The following KCND3 variants were observed in gnomAD, a reference collection of about 807,000 sequenced individuals.
KCND3 encodes A-type voltage-gated potassium channel KCND3.
A neutral mutation model predicts 51.1 loss-of-function variants in KCND3; 9 were observed. That is an observed-to-expected ratio of 0.18 (90% CI 0.11 to 0.31). The LOEUF (loss-of-function observed/expected upper bound fraction) is 0.31, where lower values mean the gene tolerates loss of function less well. KCND3 is among the 10% of genes least tolerant of loss of function. The pLI is 1.00. For missense variants in KCND3, 526 were observed against 903.8 expected, an observed-to-expected ratio of 0.58 and a Z score of 5.36; for synonymous variants, 349 against 368.0, an observed-to-expected ratio of 0.95 and a Z score of 0.59.
chr1:111,942,680 T>A (rs1203757082), intron 2 of KCND3, among the ~76,000 whole-genome samples: 1 of 152,180 alleles, frequency 6.6e-6, no homozygotes, highest in Non-Finnish European at 1.5e-5. Context: ...GCCCCAAGTC[T>A]TGGTCCTGGC....
intron 2 of KCND3, among the ~76,000 whole-genome samples, chr1:111,872,236 T>C (rs12139985): frequency 0.44 from 66,959 of 151,884 alleles, 15,733 homozygotes; most frequent in Middle Eastern, 0.53. Context: ...GACAAGACCG[T>C]AGATTTCCAA....
intron 2 of KCND3, among the ~76,000 whole-genome samples, chr1:111,801,851 T>C (rs372363295): frequency 2.0e-4 from 30 of 152,294 alleles, no homozygotes; most frequent in East Asian, 1.9e-3. Context: ...CTCAGACTCT[T>C]ACAGGTCTTG....
intron 2 of KCND3, among the ~76,000 whole-genome samples, chr1:111,895,662 G>A (rs1226485669): frequency 6.6e-6 from 1 of 152,216 alleles, no homozygotes; most frequent in Non-Finnish European, 1.5e-5. Context: ...AGGGGGCTGC[G>A]GAGTAACCCC....
intron 2 of KCND3, among the ~76,000 whole-genome samples, chr1:111,862,062 C>T (rs147675202): frequency 2.2e-3 from 330 of 152,302 alleles, no homozygotes; most frequent in African/African-American, 7.2e-3. Flanking sequence ...CCTGTAGGAA[C>T]GAGGGCTTTT....
At chr1:111,836,834 G>T (rs1667090703) in intron 2 of KCND3, among the ~76,000 whole-genome samples, 1 of 152,092 alleles carries the variant, frequency 6.6e-6, no homozygotes, top group Admixed American at 6.5e-5. Flanking sequence ...TCTCCAGTCT[G>T]GCCTTGACTT....
chr1:111,855,845 C>A (rs1057178276), intron 2 of KCND3, among the ~76,000 whole-genome samples: 6 of 152,136 alleles, frequency 3.9e-5, no homozygotes, highest in African/African-American at 1.4e-4. Flanking sequence ...GGCACTGTCA[C>A]CATCTAGGCT....
At chr1:111,802,549 T>A (rs943949150) in intron 2 of KCND3, among the ~76,000 whole-genome samples, 2 of 152,146 alleles carry the variant, frequency 1.3e-5, no homozygotes, top group Admixed American at 6.5e-5. Flanking sequence ...GAGAATAATG[T>A]CTCCCTACAG....
intron 2 of KCND3, among the ~76,000 whole-genome samples, chr1:111,926,229 C>A (rs1671690674): frequency 6.6e-6 from 1 of 152,106 alleles, no homozygotes; most frequent in Non-Finnish European, 1.5e-5. Flanking sequence ...AGTTGGGGGA[C>A]ATTAGGGTAG....
chr1:111,848,508 A>G (rs1402984318), intron 2 of KCND3, among the ~76,000 whole-genome samples: 1 of 152,134 alleles, frequency 6.6e-6, no homozygotes, highest in African/African-American at 2.4e-5. Context: ...ATCTGTCTAT[A>G]TAGCTGCAAA....
At chr1:111,808,727 G>C (rs1665695106) in intron 2 of KCND3, among the ~76,000 whole-genome samples, 1 of 152,160 alleles carries the variant, frequency 6.6e-6, no homozygotes, top group Non-Finnish European at 1.5e-5. Context: ...AGTTGGTGAG[G>C]GGAAGTGGCT....
chr1:111,775,059 G>A lies in KCND3; in HGVS notation c.*1018C>T, dbSNP rs1271202305. The A allele has an allele frequency of 2.6e-5, 4 of 152,116 alleles. No individual in the cohort carries two copies. Among genetic ancestry groups the A allele is most frequent in the African/African-American group, 7.2e-5 (3 of 41,414 alleles). 9.4% of individuals were successfully genotyped at this position (152,116 alleles called of 1,614,324 possible). A position where few individuals can be genotyped will look rare whatever the true frequency, so the allele number is the denominator to read the frequency against. On this transcript the variant is annotated 3_prime_UTR_variant, in exon 8 of 8. Transcript: ENST00000302127. ...AGAAACTGAAACTGCAAACACGAGT[G>A]GTTCCAACCCCAAGGGAAGTACCTC...
chr1:111,813,410 C>T (rs956913207), intron 2 of KCND3, among the ~76,000 whole-genome samples: 1 of 152,198 alleles, frequency 6.6e-6, no homozygotes, highest in Non-Finnish European at 1.5e-5. Context: ...GAGCTGAAGC[C>T]AAGTCTCTTC....
Position 111,981,691 on chromosome 1 carries a change from A to C in KCND3, c.1036T>G (p.Ser346Ala). The C allele has an allele frequency of 6.2e-7, 1 of 1,614,104 alleles. No individual in the cohort carries two copies. ...ATVMFYAEKG[S>A]SASKFTSIPA... is the part of the protein sequence containing the mutation. ...ATGCTTGTGAACTTGCTGGCCGAGGAGCCCTTCTCGGCATAAAACATCACA... is the reference window on the plus strand; with the variant it reads ...ATGCTTGTGAACTTGCTGGCCGAGGCGCCCTTCTCGGCATAAAACATCACA... The change falls in exon 2 of 8, where the codon TCC (serine) becomes GCC (alanine). Residue 346 changes from serine to alanine, a missense_variant. Ser to Ala is a moderately conservative substitution (Grantham distance 99, BLOSUM62 1). This residue lies in a region of KCND3 where 48 missense variants were observed against 228.5 expected (regional missense o/e 0.21). Transcript: ENST00000302127. This position sits in a 1 kb window ranked among gnomAD's most constrained non-coding sequence, Gnocchi z 6.2.
At chr1:111,974,698 T>C (rs1456887339) in intron 2 of KCND3, among the ~76,000 whole-genome samples, 3 of 152,204 alleles carry the variant, frequency 2.0e-5, no homozygotes, top group Non-Finnish European at 2.9e-5. Flanking sequence ...CTTTTATTTA[T>C]ACTATCTTGA....
At chr1:111,801,108 T>C (rs916941839) in intron 2 of KCND3, among the ~76,000 whole-genome samples, 1 of 152,196 alleles carries the variant, frequency 6.6e-6, no homozygotes, top group Non-Finnish European at 1.5e-5. Flanking sequence ...CACCCTAGGC[T>C]AGCACACATT....
chr1:111,850,458 A>G lies in KCND3; in HGVS notation c.1107-63352T>C, dbSNP rs547090386. ...ACCCATAGGCCTCCTTCCCCTTGAAATGTCCCCACAGTGGACCCTCCTTTC... is the reference window on the plus strand; with the variant it reads ...ACCCATAGGCCTCCTTCCCCTTGAAGTGTCCCCACAGTGGACCCTCCTTTC... On this transcript the variant is annotated intron_variant, in intron 2 of 7. Coordinates refer to ENST00000302127, the MANE Select transcript of KCND3 (RefSeq NM_001378969.1). Among the ~76,000 whole-genome samples, 24 of 152,270 alleles carry G rather than the reference A, an allele frequency of 1.6e-4. 1 individual carries two copies. The highest frequency in any genetic ancestry group is 5.3e-4 in the African/African-American group (22 of 41,556).
Position 111,770,725 on chromosome 1 carries a change from A to G in KCND3, c.*5352T>C, listed in dbSNP as rs541212033. The G allele has an allele frequency of 6.6e-6, 1 of 152,318 alleles. No homozygotes were observed. The highest frequency in any genetic ancestry group is 2.4e-5 in the African/African-American group (1 of 41,558). The allele number at this position is 152,318 out of a possible 1,614,324, so 9.4% of individuals were successfully genotyped here. On this transcript the variant is annotated 3_prime_UTR_variant, in exon 8 of 8. Coordinates refer to ENST00000302127, the MANE Select transcript of KCND3 (RefSeq NM_001378969.1). ...TGGATACATCAGGTACAGCAGTGGC[A>G]CACGACTCAATACTGTAAATGATAT...
At chr1:111,933,091 G>A (rs113203291) in intron 2 of KCND3, among the ~76,000 whole-genome samples, 10,895 of 152,228 alleles carry the variant, frequency 0.072, 468 homozygotes, top group Non-Finnish European at 0.099. Flanking sequence ...TCTCGTGATA[G>A]TGAGTTCTCA....
At chr1:111,974,823 T>C (rs1674539113) in intron 2 of KCND3, among the ~76,000 whole-genome samples, 1 of 152,200 alleles carries the variant, frequency 6.6e-6, no homozygotes, top group African/African-American at 2.4e-5. Flanking sequence ...TTGGGATTGA[T>C]TTTGAGGGAT....
Sources: gnomAD v4.1 joint callset for allele counts (sites outside exome capture counted in the v4.1 genomes callset) on GRCh38, gnomAD v4.1.1 for gene constraint, gnomAD v4.1.1 regional missense constraint, Gnocchi (gnomAD v3.1) non-coding constraint, MANE v1.5 for transcripts, NCBI Gene and HGNC (gene_info 2026-07-23, HGNC 2026-07-21) for gene names.